Variants in BEND7 observed in about 807,000 individuals in gnomAD.
The protein encoded by BEND7 is BEN domain containing 7, also known as BEN domain-containing protein 7.
A neutral mutation model predicts 50.9 loss-of-function variants in BEND7; 28 were observed. That is an observed-to-expected ratio of 0.55 (90% CI 0.41 to 0.75). BEND7 has a LOEUF of 0.75. BEND7 is among the 30% of genes least tolerant of loss of function. BEND7 has a pLI of 0.00. For missense variants in BEND7, 477 were observed against 491.3 expected (o/e 0.97, Z 0.28); for synonymous variants, 170 against 183.9 (o/e 0.92, Z 0.61).
intron 6 of BEND7, among the ~76,000 whole-genome samples, chr10:13,477,951 CTA>C (rs374134056): frequency 2.6e-4 from 39 of 152,234 alleles, no homozygotes; most frequent in African/African-American, 9.1e-4. Context: ...TCAGTCAAGT[CTA>C]TGAAATAAAC....
chr10:13,488,099 A>G (rs1444797407), intron 5 of BEND7, among the ~76,000 whole-genome samples: 1 of 151,574 alleles, frequency 6.6e-6, no homozygotes, highest in Non-Finnish European at 1.5e-5. Context: ...AAAAAAAAAA[A>G]AAAAAAAGCA....
chr10:13,469,292 T>C (rs1367669964), intron 6 of BEND7, among the ~76,000 whole-genome samples: 3 of 152,090 alleles, frequency 2.0e-5, no homozygotes, highest in Non-Finnish European at 4.4e-5. Context: ...ACACGGTCCA[T>C]ACAGCAGAAG....
Position 13,499,896 on chromosome 10 carries a change from G to A in BEND7, c.330C>T (p.His110=), listed in dbSNP as rs199754647. ...CATTCCACACACCACGTGAAGACGGGTGGAGGCTTTGCGGGGCCTCAGCAG... is the reference window on the plus strand; with the variant it reads ...CATTCCACACACCACGTGAAGACGGATGGAGGCTTTGCGGGGCCTCAGCAG... ...NSSAEAPQSL[H]PSSRGVWNEL... The change falls in exon 3 of 9, where the codon CAC becomes CAT. Residue 110 remains histidine (H), a synonymous_variant. Transcript: ENST00000466271. 1.9e-5 allele frequency: 30 copies of A among 1,614,188 alleles called. No homozygotes were observed. The highest frequency in any genetic ancestry group is 2.2e-5 in the East Asian group (1 of 44,870).
intron 5 of BEND7, 41 bp from the exon 6 acceptor site, chr10:13,481,165 G>A (rs1260252685): frequency 6.3e-7 from 1 of 1,598,076 alleles, no homozygotes; most frequent in Non-Finnish European, 8.6e-7. Context: ...AGCAAGATTT[G>A]AAGCATCTGA....
At chr10:13,472,710 G>A (rs2075001262) in intron 6 of BEND7, among the ~76,000 whole-genome samples, 1 of 151,268 alleles carries the variant, frequency 6.6e-6, no homozygotes, top group Non-Finnish European at 1.5e-5. Context: ...TAGACTCAGG[G>A]TTGATACTCA....
intron 5 of BEND7, among the ~76,000 whole-genome samples, chr10:13,489,423 G>A (rs1167741519): frequency 2.6e-5 from 4 of 152,136 alleles, no homozygotes; most frequent in East Asian, 3.8e-4. Flanking sequence ...AGTCCTTTGC[G>A]CAGTGGACAA....
At chr10:13,482,410 A>G (rs975902407) in intron 5 of BEND7, among the ~76,000 whole-genome samples, 31 of 152,282 alleles carry the variant, frequency 2.0e-4, no homozygotes, top group African/African-American at 7.5e-4. Flanking sequence ...CCTATTCACC[A>G]CTCTGCAAAA....
intron 5 of BEND7, among the ~76,000 whole-genome samples, chr10:13,483,267 A>T (rs1052898172): frequency 6.6e-6 from 1 of 152,138 alleles, no homozygotes; most frequent in African/African-American, 2.4e-5. Context: ...CATGGACCCC[A>T]GTTTGAAAAA....
At chr10:13,444,299 C>A (rs181393510) in intron 8 of BEND7, 1 of 152,262 alleles carries the variant, frequency 6.6e-6, no homozygotes, top group East Asian at 1.9e-4. Context: ...AAGGTGAATC[C>A]ATTTCTGCTA....
At chr10:13,484,853 C>A (rs2076108457) in intron 5 of BEND7, among the ~76,000 whole-genome samples, 1 of 152,174 alleles carries the variant, frequency 6.6e-6, no homozygotes, top group African/African-American at 2.4e-5. Context: ...CCACTTAGTA[C>A]AACAATGTAT....
In BEND7 at chr10:13,520,995, C is replaced by T. The variant is rs932334980; in HGVS notation, c.145+5143G>A. 5.9e-5 allele frequency among the ~76,000 whole-genome samples: 9 copies of T among 152,290 alleles called. 1 individual carries two copies. The highest frequency in any genetic ancestry group is 2.1e-4 in the South Asian group (1 of 4,826). On this transcript the variant is annotated intron_variant, in intron 2 of 8. Transcript: ENST00000466271. ...TGCAATTATTTTTGAAGCCATTTTT[C>T]GGTCCTAGAGTATAATCGGACAAAT...
intron 6 of BEND7, among the ~76,000 whole-genome samples, chr10:13,453,589 A>G (rs11258393): frequency 0.31 from 47,349 of 152,152 alleles, 8,647 homozygotes; most frequent in East Asian, 0.68. Context: ...AAATGTGACC[A>G]AGAAGGTTCA....
intron 2 of BEND7, chr10:13,500,389 G>T: frequency 1.9e-6 from 1 of 536,404 alleles, no homozygotes; most frequent in South Asian, 4.3e-5. Context: ...GAATGAGTAG[G>T]TGATGAGGAA....
At chr10:13,480,774 T>C (rs1020379335) in intron 6 of BEND7, 125 bp downstream of exon 6, 9 of 1,503,182 alleles carry the variant, frequency 6.0e-6, no homozygotes, top group African/African-American at 1.4e-5. Flanking sequence ...GCCATGTGAA[T>C]GGCTAAATTG....
rs764666615 is a variant in BEND7 at position 13,492,649 on chromosome 10, G to T, written c.799C>A (p.Leu267Ile). 1 of 1,613,986 alleles carries T rather than the reference G, an allele frequency of 6.2e-7. No individual in the cohort carries two copies. Among genetic ancestry groups the T allele is most frequent in the South Asian group, 1.1e-5 (1 of 91,058 alleles). ...EHTSPEESRV[L>I]GFGIVLESPS... ...GATTCCAGAACAATGCCGAATCCTA[G>T]AACGCGGCTCTCCTCCGGGGAGGTG... Residue 267 changes from leucine to isoleucine, a missense_variant, in exon 5 of 9, where the codon CTA (leucine) becomes ATA (isoleucine). Around this residue, in one of 3 missense-constraint regions of BEND7, gnomAD observed 396 missense variants for 384.2 expected, o/e 1.03. Coordinates refer to ENST00000466271, the MANE Select transcript of BEND7 (RefSeq NM_001369863.1).
chr10:13,439,957 C>T (rs966346160), downstream of BEND7, among the ~76,000 whole-genome samples: 2 of 152,206 alleles, frequency 1.3e-5, no homozygotes, highest in Non-Finnish European at 2.9e-5. Context: ...AACCAGTCGC[C>T]CTAAACACCC....
intron 2 of BEND7, among the ~76,000 whole-genome samples, chr10:13,506,746 A>T (rs1486828944): frequency 6.7e-6 from 1 of 149,720 alleles, no homozygotes; most frequent in Non-Finnish European, 1.5e-5. Flanking sequence ...GATTTTCAGG[A>T]TGGAAATGGA....
intron 6 of BEND7, among the ~76,000 whole-genome samples, chr10:13,458,577 A>G (rs1054311907): frequency 6.6e-6 from 1 of 152,248 alleles, no homozygotes; most frequent in African/African-American, 2.4e-5. Context: ...AGAGTTGATG[A>G]TTCAGTTTTA....
intron 2 of BEND7, among the ~76,000 whole-genome samples, chr10:13,515,017 C>G (rs1008132999): frequency 6.6e-6 from 1 of 152,134 alleles, no homozygotes; most frequent in Non-Finnish European, 1.5e-5. Context: ...GGATATTATT[C>G]CTGGAACAGA....
Sources: allele counts gnomAD v4.1 joint callset (sites outside exome capture counted in the v4.1 genomes callset), GRCh38; gene constraint gnomAD v4.1.1; regional missense constraint gnomAD v4.1.1; transcripts MANE v1.5; gene names NCBI Gene and HGNC (gene_info 2026-07-23, HGNC 2026-07-21).